Variants in RAB3IP observed in about 807,000 individuals in gnomAD.
RAB3IP encodes rab-3A-interacting protein.
In RAB3IP, 36 loss-of-function variants were observed where a neutral mutation model predicts 59.1. The ratio of observed to expected loss-of-function variants is 0.61; its 90% confidence interval spans 0.47 to 0.80. RAB3IP has a LOEUF of 0.80. Among genes scored for constraint, RAB3IP ranks in the 30% least tolerant of loss-of-function variants. The pLI is 0.00. For synonymous variants in RAB3IP, 207 were observed against 191.2 expected, an observed-to-expected ratio of 1.08 and a Z score of -0.68; for missense variants, 511 against 536.0, an observed-to-expected ratio of 0.95 and a Z score of 0.46.
rs746421597 is a variant in RAB3IP at position 69,762,781 on chromosome 12, AAAAAAGAG to A, written c.510+6134_510+6141del. 5.7e-3 allele frequency among the ~76,000 whole-genome samples: 817 copies of A among 142,392 alleles called. 7 individuals are homozygous for A. The highest frequency in any genetic ancestry group is 0.015 in the African/African-American group (575 of 37,884). The allele number at this position is 142,392 out of a possible 152,430, so 93.4% of individuals were successfully genotyped here. A position where few individuals can be genotyped will look rare whatever the true frequency, so the allele number is the denominator to read the frequency against. ...CAAAAAAAAAAAAAAAAAAAAAAAGAAAAAAGAGAAAAAGAGAAAAAGAAAAAGAAAAT... is the reference window on the plus strand; with the variant it reads ...CAAAAAAAAAAAAAAAAAAAAAAAGAAAAAAGAGAAAAAGAAAAAGAAAAT... On this transcript the variant is annotated intron_variant, in intron 3 of 10. Transcript: ENST00000247833.
intron 1 of RAB3IP, among the ~76,000 whole-genome samples, chr12:69,753,879 T>A (rs537934270): frequency 1.6e-4 from 24 of 152,212 alleles, no homozygotes; most frequent in Non-Finnish European, 3.2e-4. Flanking sequence ...TACACTCAAG[T>A]TAGTTTCCAT....
At chr12:69,787,352 A>G (rs1048210906) in intron 4 of RAB3IP, among the ~76,000 whole-genome samples, 1 of 152,200 alleles carries the variant, frequency 6.6e-6, no homozygotes, top group African/African-American at 2.4e-5. Flanking sequence ...GGAGAAAAAA[A>G]GATAGTAGTC....
intron 8 of RAB3IP, among the ~76,000 whole-genome samples, chr12:69,808,245 G>A (rs918199161): frequency 6.6e-6 from 1 of 152,130 alleles, no homozygotes; most frequent in Admixed American, 6.5e-5. Context: ...ATTGCACTGT[G>A]GTCTGAGAGA....
chr12:69,795,267 A>G lies in RAB3IP; in HGVS notation c.811A>G (p.Lys271Glu). Residue 271 changes from lysine to glutamate, a missense_variant, in exon 6 of 11, where the codon AAA becomes GAA. Lys to Glu is a moderately conservative substitution (Grantham distance 56, BLOSUM62 1). Transcript: ENST00000247833. ...TTTTAAAAAGGGGCATACAAGAAAT[A>G]AAAGCACAAGCAGTGCTATGAGTGG... ...TPFKKGHTRN[K>E]STSSAMSGSH... The G allele has an allele frequency of 6.2e-7, 1 of 1,614,108 alleles. No individual in the cohort carries two copies. Among genetic ancestry groups the G allele is most frequent in the African/African-American group, 1.3e-5 (1 of 75,058 alleles).
At chr12:69,752,029 G>T (rs1004502760) in intron 1 of RAB3IP, among the ~76,000 whole-genome samples, 2 of 144,018 alleles carry the variant, frequency 1.4e-5, no homozygotes, top group African/African-American at 2.6e-5. Context: ...TTCAGGATAG[G>T]GTCTCGTTCT....
intron 8 of RAB3IP, among the ~76,000 whole-genome samples, chr12:69,803,937 C>T (rs60080577): frequency 1.2e-3 from 185 of 152,172 alleles, no homozygotes; most frequent in African/African-American, 4.1e-3. Context: ...TTTGCTATTG[C>T]GAATAGTGCC....
At chr12:69,747,399 C>T (rs1056607193) in intron 1 of RAB3IP, among the ~76,000 whole-genome samples, 5 of 151,720 alleles carry the variant, frequency 3.3e-5, no homozygotes, top group African/African-American at 9.7e-5. Context: ...AATCACAGTT[C>T]GCTATAGCCT....
In RAB3IP at chr12:69,819,124, A is replaced by G. The variant is rs189727415; in HGVS notation, c.*3678A>G. On this transcript the variant is annotated 3_prime_UTR_variant, in exon 11 of 11. Coordinates refer to ENST00000247833, the MANE Select transcript of RAB3IP (RefSeq NM_022456.5). ...AAAATAAATGCATGGACAAATGAAT[A>G]AGAGAGTTATGCATGGAACATCGGT... 3 of 152,372 alleles carry G rather than the reference A, an allele frequency of 2.0e-5. No homozygotes were observed. The highest frequency in any genetic ancestry group is 7.2e-5 in the African/African-American group (3 of 41,594). The allele number at this position is 152,372 out of a possible 1,614,324, so 9.4% of individuals were successfully genotyped here. A position where few individuals can be genotyped will look rare whatever the true frequency, so the allele number is the denominator to read the frequency against.
chr12:69,798,597 C>T, intron 6 of RAB3IP, among the ~76,000 whole-genome samples: 1 of 152,016 alleles, frequency 6.6e-6, no homozygotes, highest in East Asian at 1.9e-4. Context: ...GAAGTCCTTG[C>T]CCATGCCTAT....
intron 1 of RAB3IP, among the ~76,000 whole-genome samples, chr12:69,744,271 A>C (rs946405013): frequency 6.6e-6 from 1 of 152,110 alleles, no homozygotes; most frequent in Admixed American, 6.6e-5. Flanking sequence ...ATTACAAATA[A>C]ATATTTGTAA....
intron 1 of RAB3IP, among the ~76,000 whole-genome samples, chr12:69,746,596 C>T (rs979300586): frequency 2.0e-5 from 3 of 151,962 alleles, no homozygotes; most frequent in East Asian, 1.9e-4. Context: ...AGGATTTGCC[C>T]GGAGGTGTTG....
chr12:69,747,963 A>C (rs1216902331), intron 1 of RAB3IP, among the ~76,000 whole-genome samples: 1 of 152,042 alleles, frequency 6.6e-6, no homozygotes, highest in Non-Finnish European at 1.5e-5. Context: ...GAAATGATTT[A>C]CTTTCTGAGT....
intron 8 of RAB3IP, 139 bp from the exon 9 acceptor site, chr12:69,812,639 C>T (rs970315225): frequency 8.0e-6 from 5 of 624,018 alleles, no homozygotes; most frequent in Non-Finnish European, 1.4e-5. Flanking sequence ...ATCACTTTAG[C>T]CCAGCATCTA....
chr12:69,792,056 C>G (rs1876710735), intron 4 of RAB3IP, among the ~76,000 whole-genome samples: 1 of 152,054 alleles, frequency 6.6e-6, no homozygotes, highest in African/African-American at 2.4e-5. Context: ...ATAAGCAAGA[C>G]AGAAAGACAA....
intron 3 of RAB3IP, among the ~76,000 whole-genome samples, chr12:69,764,800 T>C (rs1452533414): frequency 6.6e-6 from 1 of 151,990 alleles, no homozygotes; most frequent in Non-Finnish European, 1.5e-5. Context: ...TTAAAATTTC[T>C]TTGTGTTATT....
chr12:69,781,772 A>G (rs543927767), intron 3 of RAB3IP, among the ~76,000 whole-genome samples: 3 of 152,336 alleles, frequency 2.0e-5, no homozygotes, highest in African/African-American at 4.8e-5. Context: ...TCATTCACCT[A>G]GTAAAGGCCA....
At chr12:69,791,803 T>C (rs1876665063) in intron 4 of RAB3IP, among the ~76,000 whole-genome samples, 1 of 152,162 alleles carries the variant, frequency 6.6e-6, no homozygotes, top group Non-Finnish European at 1.5e-5. Flanking sequence ...GATCCAGCAA[T>C]CCCACTTCCA....
At chr12:69,794,712 C>G (rs1877170194) in intron 5 of RAB3IP, among the ~76,000 whole-genome samples, 198 bp downstream of exon 5, 1 of 152,026 alleles carries the variant, frequency 6.6e-6, no homozygotes, top group African/African-American at 2.4e-5. Flanking sequence ...ATATGAGAAC[C>G]AAATGATTTA....
intron 4 of RAB3IP, among the ~76,000 whole-genome samples, chr12:69,787,043 C>T (rs1052831992): frequency 2.0e-5 from 3 of 152,038 alleles, no homozygotes; most frequent in East Asian, 1.9e-4. Context: ...TTACCATTGT[C>T]TTATGAAAAG....
Sources: gnomAD v4.1 joint callset for allele counts (sites outside exome capture counted in the v4.1 genomes callset) on GRCh38, gnomAD v4.1.1 for gene constraint, MANE v1.5 for transcripts, NCBI Gene and HGNC (gene_info 2026-07-23, HGNC 2026-07-21) for gene names.